GSS: variants seen among roughly 807,000 people sequenced by gnomAD.
The protein encoded by GSS is GSH synthetase.
Under a neutral mutation model 60.4 loss-of-function variants are expected in GSS, and 34 were observed. The ratio of observed to expected loss-of-function variants is 0.56; its 90% confidence interval spans 0.43 to 0.75. The LOEUF is 0.75. Ranked by LOEUF, GSS falls within the 30% of genes least tolerant of loss-of-function variation. The pLI is 0.00. For synonymous variants in GSS, 224 were observed against 239.0 expected (o/e 0.94, Z 0.58); for missense variants, 499 against 595.1 (o/e 0.84, Z 1.68).
intron 2 of GSS, 47 bp from the exon 3 acceptor site, chr20:34,946,145 C>A: frequency 1.3e-6 from 2 of 1,527,038 alleles, no homozygotes; most frequent in South Asian, 1.2e-5. Context: ...CACCTGTGAA[C>A]GGGTTGTCTT....
chr20:34,936,720 G>T, intron 8 of GSS, 43 bp downstream of exon 8: 1 of 1,368,648 alleles, frequency 7.3e-7, no homozygotes, highest in Non-Finnish European at 1.0e-6. Flanking sequence ...GGCAGGATGA[G>T]TTTCATAAAC....
intron 11 of GSS, among the ~76,000 whole-genome samples, chr20:34,930,814 C>T (rs79023054): frequency 0.011 from 1,674 of 152,236 alleles, 33 homozygotes; most frequent in African/African-American, 0.036. Flanking sequence ...CTGTCCCCTC[C>T]CAGCTCCCCC....
At chr20:34,954,723 C>CTA (rs1338711546) in intron 1 of GSS, 1 of 153,668 alleles carries the variant, frequency 6.5e-6, no homozygotes, top group Non-Finnish European at 1.5e-5. Flanking sequence ...TACCTTCAAA[C>CTA]TAGAATATCC....
intron 1 of GSS, chr20:34,955,418 C>T (rs1331310599): frequency 6.6e-6 from 1 of 152,228 alleles, no homozygotes; most frequent in Non-Finnish European, 1.5e-5. Context: ...TTCACGGGCC[C>T]GCTCGCTTCC....
At position 34,929,535 on chromosome 20, in the gene GSS, A is replaced by G. The variant is rs2081382368; in HGVS notation, c.1167T>C (p.Ser389=). 4 of 1,614,036 alleles carry G rather than the reference A, an allele frequency of 2.5e-6. No individual in the cohort carries two copies. Among genetic ancestry groups the G allele is most frequent in the Non-Finnish European group, 3.4e-6 (4 of 1,179,912 alleles). The change falls in exon 12 of 13, where the codon AGT becomes AGC. Residue 389 remains serine, a synonymous_variant. Transcript: ENST00000651619. ...TGAGGATGTAGGAGGCCCTCTCCTCACTGTCCTTCAGCTGTTTCAGGGCCT... is the reference window on the plus strand; with the variant it reads ...TGAGGATGTAGGAGGCCCTCTCCTCGCTGTCCTTCAGCTGTTTCAGGGCCT... ...MVQALKQLKD[S]EERASYILME...
chr20:34,929,677 A>G, intron 11 of GSS, 87 bp from the exon 12 acceptor site: 2 of 1,167,726 alleles, frequency 1.7e-6, no homozygotes, highest in Non-Finnish European at 2.6e-6. Flanking sequence ...TGGGCAAGTC[A>G]GCAGCCTCAG....
rs762570343 is a variant in GSS at position 34,932,805 on chromosome 20, CATACACACACAAAT to C, written c.835-686_835-673del. On this transcript the variant is annotated intron_variant, in intron 9 of 12. Transcript: ENST00000651619. ...ACACATACACGCACACGCACACAAA[CATACACACACAAAT>C]CCCAATTTTTTTTTCCTATTTTTGT... Among the ~76,000 whole-genome samples the C allele has an allele frequency of 1.1e-3, 175 of 152,202 alleles. 2 individuals are homozygous for C. In the Middle Eastern group the frequency reaches 0.024, roughly 21 times the overall value.
intron 11 of GSS, among the ~76,000 whole-genome samples, chr20:34,930,182 C>T (rs969238663): frequency 6.6e-6 from 1 of 151,380 alleles, no homozygotes; most frequent in Admixed American, 6.6e-5. Context: ...AGGAGAATCG[C>T]TTGAACCTGG....
intron 12 of GSS, 148 bp downstream of exon 12, chr20:34,929,253 A>G: frequency 1.3e-6 from 1 of 790,938 alleles, no homozygotes. Context: ...TTAATAGATA[A>G]AGAAACAGGT....
In GSS at chr20:34,946,039, C is replaced by T. The variant is rs1216473793; in HGVS notation, c.189G>A (p.Glu63=). ...AGTCCATCTGCACAGCATAGGCTTG[C>T]TCCAGCAGGGCACTGGGGACCAGTG... ...FPSLVPSALL[E]QAYAVQMDFN... Residue 63 remains glutamate, a synonymous_variant, in exon 3 of 13, where the codon GAG becomes GAA. Coordinates refer to ENST00000651619, the MANE Select transcript of GSS (RefSeq NM_000178.4). The T allele has an allele frequency of 1.1e-5, 17 of 1,613,828 alleles. No individual in the cohort carries two copies. Among genetic ancestry groups the T allele is most frequent in the Non-Finnish European group, 1.4e-5 (16 of 1,179,826 alleles).
rs755989802 is a variant in GSS, at chr20:34,945,981, C to T, written c.247G>A (p.Ala83Thr). 11 of 1,614,028 alleles carry T rather than the reference C, an allele frequency of 6.8e-6. No homozygotes were observed. Among genetic ancestry groups the T allele is most frequent in the South Asian group, 6.6e-5 (6 of 91,084 alleles). Residue 83 changes from alanine (A) to threonine (T), a missense_variant, in exon 3 of 13, where the codon GCT becomes ACT. Transcript: ENST00000651619. ...NLLVDAVSQN[A>T]AFLEQTLSST... Reference sequence around the variant, plus strand: ...GAAAGAGTTTGCTCCAGGAAGGCAGCGTTCTGGCTGACAGCATCCACTAGC... The same window carrying T: ...GAAAGAGTTTGCTCCAGGAAGGCAGTGTTCTGGCTGACAGCATCCACTAGC...
intron 11 of GSS, among the ~76,000 whole-genome samples, chr20:34,930,370 T>G (rs1287479444): frequency 6.6e-6 from 1 of 152,078 alleles, no homozygotes; most frequent in African/African-American, 2.4e-5. Context: ...AAGCAGAACT[T>G]ATTACTTCTG....
At chr20:34,939,205 A>G (rs568433981) in intron 6 of GSS, among the ~76,000 whole-genome samples, 49 of 152,092 alleles carry the variant, frequency 3.2e-4, no homozygotes, top group Non-Finnish European at 6.6e-4. Flanking sequence ...GTGCCATTGC[A>G]CTCCAGCCTG....
chr20:34,937,058 T>C (rs761575793), intron 6 of GSS, 35 bp from the exon 7 acceptor site: 9 of 1,501,770 alleles, frequency 6.0e-6, no homozygotes, highest in East Asian at 2.3e-5. Context: ...GAGGCTACTA[T>C]AGAACTTGTT....
rs114124344 is a variant in GSS, at chr20:34,944,803, G to T, written c.275+1150C>A. 4.1e-3 allele frequency among the ~76,000 whole-genome samples: 619 copies of T among 152,096 alleles called. 2 individuals carry two copies. The highest frequency in any genetic ancestry group is 0.014 in the African/African-American group (588 of 41,482). On this transcript the variant is annotated intron_variant, in intron 3 of 12. Transcript: ENST00000651619. ...TGAAACAAACTTTTGACTGTGTTTT[G>T]ACTGCACCTGTCACATGACATCAGG...
At chr20:34,953,782 A>AT (rs1165611236) in intron 1 of GSS, among the ~76,000 whole-genome samples, 2 of 151,606 alleles carry the variant, frequency 1.3e-5, no homozygotes, top group African/African-American at 4.8e-5. Flanking sequence ...TGCCCGGCTA[A>AT]TTTTTTGTAT....
intron 2 of GSS, among the ~76,000 whole-genome samples, chr20:34,947,443 G>A (rs1019805969): frequency 6.6e-6 from 1 of 152,014 alleles, no homozygotes; most frequent in Non-Finnish European, 1.5e-5. Context: ...AAATTCAAAA[G>A]AGACATAAGA....
chr20:34,944,653 A>G (rs910544311), intron 3 of GSS, among the ~76,000 whole-genome samples: 1 of 152,244 alleles, frequency 6.6e-6, no homozygotes, highest in Non-Finnish European at 1.5e-5. Context: ...GAAGATTTGC[A>G]TATACGTAAT....
Position 34,931,416 on chromosome 20 carries a change from C to A in GSS, c.1031G>T (p.Gly344Val). The A allele has an allele frequency of 1.2e-6, 2 of 1,613,882 alleles. No individual in the cohort carries two copies. The highest frequency in any genetic ancestry group is 1.7e-6 in the Non-Finnish European group (2 of 1,179,714). The change falls in exon 11 of 13, where the codon GGT (glycine) becomes GTT (valine). Residue 344 changes from glycine to valine, a missense_variant and splice_region_variant. By Grantham distance (109) the Gly-to-Val change is moderately radical. Transcript: ENST00000651619. ...GGCGATGGCCTGGTCCCCTTCTTCA[C>A]CCTGGCAGGAGGCAGAAAGCAGTTA... ...TFAGLYSLDV[G>V]EEGDQAIAEA...
Sources: gnomAD v4.1 joint callset for allele counts (sites outside exome capture counted in the v4.1 genomes callset) on GRCh38, gnomAD v4.1.1 for gene constraint, MANE v1.5 for transcripts, NCBI Gene and HGNC (gene_info 2026-07-23, HGNC 2026-07-21) for gene names.